ARPP19: variants seen among roughly 807,000 people sequenced by gnomAD.
ARPP19 encodes the protein cAMP-regulated phosphoprotein 19.
A neutral mutation model predicts 12.0 loss-of-function variants in ARPP19; 8 were observed. The observed-to-expected ratio is 0.67, with a 90% CI of 0.39 to 1.21. The LOEUF (loss-of-function observed/expected upper bound fraction) is 1.21. Among genes scored for constraint, ARPP19 ranks in the 50% most tolerant of loss-of-function variants. The probability of loss-of-function intolerance (pLI) is 0.01; values close to 1 mark genes in which losing one functional copy is unlikely to be tolerated. For missense variants in ARPP19, 102 were observed against 136.3 expected, an observed-to-expected ratio of 0.75 and a Z score of 1.25; for synonymous variants, 47 against 50.4, an observed-to-expected ratio of 0.93 and a Z score of 0.29.
At chr15:52,554,037 G>A (rs1170749184) in intron 2 of ARPP19, among the ~76,000 whole-genome samples, 1 of 152,244 alleles carries the variant, frequency 6.6e-6, no homozygotes, top group East Asian at 1.9e-4. Flanking sequence ...TCAGAATTGT[G>A]ATGCACTGTA....
At chr15:52,565,475 T>C (rs1238905334) in intron 1 of ARPP19, among the ~76,000 whole-genome samples, 1 of 152,210 alleles carries the variant, frequency 6.6e-6, no homozygotes, top group African/African-American at 2.4e-5. Context: ...AAGGCAAATA[T>C]AAGCATATTC....
chr15:52,569,269 T>C (rs2078119539), upstream of ARPP19: 7 of 293,452 alleles, frequency 2.4e-5, no homozygotes, highest in South Asian at 2.0e-4. Context: ...CGCCCTTTCC[T>C]GTCCACTCTG....
rs145647230 is a variant in ARPP19, at chr15:52,557,130, T to G, written c.138A>C (p.Ser46=). The change falls in exon 2 of 3, where the codon TCA becomes TCC. Residue 46 remains serine (S), a synonymous_variant. Transcript: ENST00000249822. Reference sequence around the variant, plus strand: ...TCTGCAACCGTTTCCTTAAGAAATCTGAACCTCCAGGCTTTTGTCCCAGAT... The same window carrying G: ...TCTGCAACCGTTTCCTTAAGAAATCGGAACCTCCAGGCTTTTGTCCCAGAT... The part of the protein sequence containing the change: ...YPHLGQKPGG[S]DFLRKRLQKG... The G allele has an allele frequency of 1.2e-6, 2 of 1,612,378 alleles. No homozygotes were observed. The highest frequency in any genetic ancestry group is 2.7e-5 in the African/African-American group (2 of 74,882).
chr15:52,549,045 T>C lies in ARPP19; in HGVS notation c.*2889A>G, dbSNP rs2077905164. On this transcript the variant is annotated 3_prime_UTR_variant, in exon 3 of 3. Coordinates refer to ENST00000249822, the MANE Select transcript of ARPP19 (RefSeq NM_006628.6). ...AGCCAATAATCCTTACTATTCCAAC[T>C]TGCTGAGAACCATGTCAGATGCTGC... is the stretch of plus-strand genomic sequence containing the variant. The C allele has an allele frequency of 6.6e-6, 1 of 152,394 alleles. No individual in the cohort carries two copies. The highest frequency in any genetic ancestry group is 2.4e-5 in the African/African-American group (1 of 41,460). 9.4% of individuals were successfully genotyped at this position (152,394 alleles called of 1,614,324 possible).
At chr15:52,564,208 C>G in intron 1 of ARPP19, 1 of 1,534,212 alleles carries the variant, frequency 6.5e-7, no homozygotes, top group Non-Finnish European at 8.7e-7. Context: ...TGTTAGGAAT[C>G]GATGGTTGCA....
At chr15:52,564,308 G>A in intron 1 of ARPP19, 1 of 1,264,054 alleles carries the variant, frequency 7.9e-7, no homozygotes, top group Non-Finnish European at 1.1e-6. Context: ...CAGCTACTTG[G>A]AGGCTGAGGT....
chr15:52,549,425 C>T lies in ARPP19; in HGVS notation c.*2509G>A, dbSNP rs11539780. ...CAATAATGGAGGCTAAGCAATTATA[C>T]CTACAAATCCTTAACGACAGGTCTC... On this transcript the variant is annotated 3_prime_UTR_variant, in exon 3 of 3. Coordinates refer to ENST00000249822, the MANE Select transcript of ARPP19 (RefSeq NM_006628.6). 10,082 of 152,534 alleles carry T rather than the reference C, an allele frequency of 0.066. 507 individuals carry two copies. The highest frequency in any genetic ancestry group is 0.09 in the Non-Finnish European group (6,115 of 67,980). The allele number at this position is 152,534 out of a possible 1,614,324, so 9.4% of individuals were successfully genotyped here.
chr15:52,564,256 A>G, intron 1 of ARPP19: 5 of 1,531,582 alleles, frequency 3.3e-6, no homozygotes, highest in Non-Finnish European at 4.4e-6. Flanking sequence ...TCTGAATAGA[A>G]ATAGAAAACA....
chr15:52,555,550 G>A (rs2077974070), intron 2 of ARPP19, among the ~76,000 whole-genome samples: 1 of 151,918 alleles, frequency 6.6e-6, no homozygotes, highest in Admixed American at 6.6e-5. Context: ...CTGTTGAATA[G>A]TGGTGCTGCT....
chr15:52,551,823 A>G lies in ARPP19; in HGVS notation c.*111T>C. 2 of 821,966 alleles carry G rather than the reference A, an allele frequency of 2.4e-6. No individual in the cohort carries two copies. The highest frequency in any genetic ancestry group is 4.0e-6 in the Non-Finnish European group (2 of 501,196). The allele number at this position is 821,966 out of a possible 1,614,324, so 50.9% of individuals were successfully genotyped here. On this transcript the variant is annotated 3_prime_UTR_variant, in exon 3 of 3. Transcript: ENST00000249822. ...AGCAGCACACACTACTGCTACCTGC[A>G]AAGCTGTCAGTCTCAAATGACTAGT... is the stretch of plus-strand genomic sequence containing the variant.
At chr15:52,564,834 G>A (rs961103249) in intron 1 of ARPP19, among the ~76,000 whole-genome samples, 2 of 151,960 alleles carry the variant, frequency 1.3e-5, no homozygotes, top group African/African-American at 4.8e-5. Flanking sequence ...ATCTTACCAT[G>A]GTCTATTCTT....
intron 2 of ARPP19, among the ~76,000 whole-genome samples, chr15:52,556,810 T>TGGCAAAATATAA (rs1244578525): frequency 1.3e-5 from 2 of 152,134 alleles, no homozygotes; most frequent in African/African-American, 4.8e-5. Context: ...GAAACCAACA[T>TGGCAAAATATAA]GGCAAAATAT....
In ARPP19 at chr15:52,557,362, C is replaced by G. The variant is rs574587413; in HGVS notation, c.46-140G>C. ...CTGACTAAGAAATCAAACCCAGAAG[C>G]CTTTAAAACATCTCTATCTTGTTTT... On this transcript the variant is annotated intron_variant, in intron 1 of 2. Transcript: ENST00000249822. 16 of 664,092 alleles carry G rather than the reference C, an allele frequency of 2.4e-5. No homozygotes were observed. In the Admixed American group the frequency reaches 4.2e-4, roughly 17 times the overall value. 41.1% of individuals were successfully genotyped at this position (664,092 alleles called of 1,614,324 possible). A position where few individuals can be genotyped will look rare whatever the true frequency, so the allele number is the denominator to read the frequency against.
chr15:52,554,496 T>C (rs1377156963), intron 2 of ARPP19, among the ~76,000 whole-genome samples: 3 of 152,184 alleles, frequency 2.0e-5, no homozygotes, highest in Admixed American at 1.3e-4. Context: ...ACGATGATGA[T>C]ATGTCTTTAA....
Position 52,552,014 on chromosome 15 carries a change from C to A in ARPP19, c.259G>T (p.Val87Phe). 2 of 1,610,508 alleles carry A rather than the reference C, an allele frequency of 1.2e-6. No homozygotes were observed. Among genetic ancestry groups the A allele is most frequent in the Non-Finnish European group, 1.7e-6 (2 of 1,176,654 alleles). ...LPTAAPDKTEVTGDHIPTPQD... is the reference protein window; with the variant it reads ...LPTAAPDKTEFTGDHIPTPQD... ...GGAGTGGGAATGTGGTCACCAGTGA[C>A]CTCCGTCTTATCCGGAGCTGCAGTA... Residue 87 changes from valine (V) to phenylalanine (F), a missense_variant, in exon 3 of 3, where the codon GTC (valine) becomes TTC (phenylalanine). Physicochemically the swap from Val to Phe is conservative, Grantham distance 50. Transcript: ENST00000249822.
In ARPP19 at chr15:52,551,999, T is replaced by C. The variant is rs2077936602; in HGVS notation, c.274A>G (p.Ile92Val). 1 of 1,611,554 alleles carries C rather than the reference T, an allele frequency of 6.2e-7. No individual in the cohort carries two copies. Among genetic ancestry groups the C allele is most frequent in the Non-Finnish European group, 8.5e-7 (1 of 1,177,586 alleles). ...PDKTEVTGDHIPTPQDLPQRK... is the reference protein window; with the variant it reads ...PDKTEVTGDHVPTPQDLPQRK... ...TGAGGAAGGTCTTGCGGAGTGGGAA[T>C]GTGGTCACCAGTGACCTCCGTCTTA... is the stretch of plus-strand genomic sequence containing the variant. The change falls in exon 3 of 3, where the codon ATT becomes GTT. Residue 92 changes from isoleucine to valine, a missense_variant. Physicochemically the swap from Ile to Val is conservative, Grantham distance 29. Coordinates refer to ENST00000249822, the MANE Select transcript of ARPP19 (RefSeq NM_006628.6).
chr15:52,568,825 G>T, intron 1 of ARPP19, 23 bp downstream of exon 1: 1 of 1,557,596 alleles, frequency 6.4e-7, no homozygotes, highest in South Asian at 1.2e-5. Flanking sequence ...GCAGGGCCCA[G>T]GGCTCACGCC....
Position 52,551,899 on chromosome 15 carries a change from G to A in ARPP19, c.*35C>T, listed in dbSNP as rs765890390. The A allele has an allele frequency of 6.6e-7, 1 of 1,508,556 alleles. No homozygotes were observed. Among genetic ancestry groups the A allele is most frequent in the Non-Finnish European group, 9.1e-7 (1 of 1,101,812 alleles). 93.4% of individuals were successfully genotyped at this position (1,508,556 alleles called of 1,614,324 possible). On this transcript the variant is annotated 3_prime_UTR_variant, in exon 3 of 3. Coordinates refer to ENST00000249822, the MANE Select transcript of ARPP19 (RefSeq NM_006628.6). ...AAGTAACATATTAAGGAGAAATAAT[G>A]AGATTTAGCAGATTCATGCAGTTCA...
intron 1 of ARPP19, among the ~76,000 whole-genome samples, chr15:52,566,240 C>A (rs1242165268): frequency 5.3e-5 from 8 of 152,148 alleles, no homozygotes; most frequent in African/African-American, 1.9e-4. Flanking sequence ...CTCACTGCAA[C>A]CTCTGCCTCC....
Sources: allele counts gnomAD v4.1 joint callset (sites outside exome capture counted in the v4.1 genomes callset), GRCh38; gene constraint gnomAD v4.1.1; transcripts MANE v1.5; gene names NCBI Gene and HGNC (gene_info 2026-07-23, HGNC 2026-07-21).